The following SCFD1 variants were observed in gnomAD, a reference collection of about 807,000 sequenced individuals.
The protein encoded by SCFD1 is sec1 family domain containing 1.
SCFD1 carries 37 observed loss-of-function variants against 103.2 expected under a neutral mutation model. That is an observed-to-expected ratio of 0.36 (90% CI 0.28 to 0.47). SCFD1 has a LOEUF of 0.47. Ranked by LOEUF, SCFD1 falls within the 20% of genes least tolerant of loss-of-function variation. The probability of loss-of-function intolerance (pLI) is 1.00; values close to 1 mark genes in which losing one functional copy is unlikely to be tolerated. For synonymous variants in SCFD1, 264 were observed against 245.0 expected (o/e 1.08, Z -0.73); for missense variants, 639 against 761.2 (o/e 0.84, Z 1.89).
At position 30,651,061 on chromosome 14, in the gene SCFD1, G is replaced by T. The variant is rs1886352059; in HGVS notation, c.755+411G>T. Among the ~76,000 whole-genome samples the T allele has an allele frequency of 1.3e-5, 2 of 151,906 alleles. 1 individual carries two copies. Among genetic ancestry groups the T allele is most frequent in the South Asian group, 4.2e-4 (2 of 4,808 alleles). On this transcript the variant is annotated intron_variant, in intron 9 of 24. Coordinates refer to ENST00000458591, the MANE Select transcript of SCFD1 (RefSeq NM_016106.4). ...TAAACTTGAAAAACATTTTATTATT[G>T]TTAGCATTTCTAGCATAAGTAAGGC...
At chr14:30,724,234 C>A (rs1439349572) in intron 23 of SCFD1, among the ~76,000 whole-genome samples, 2 of 116,222 alleles carry the variant, frequency 1.7e-5, no homozygotes, top group Non-Finnish European at 3.6e-5. Context: ...CCTTTGCCCA[C>A]TTTTTTATGG....
chr14:30,632,335 T>C (rs1221489567), intron 3 of SCFD1, among the ~76,000 whole-genome samples: 2 of 152,290 alleles, frequency 1.3e-5, no homozygotes, highest in East Asian at 3.9e-4. Flanking sequence ...TAGACTGTTA[T>C]AGTTTGTCAA....
intron 14 of SCFD1, among the ~76,000 whole-genome samples, chr14:30,691,055 A>G (rs1363912181): frequency 2.0e-5 from 3 of 152,238 alleles, no homozygotes; most frequent in African/African-American, 7.2e-5. Flanking sequence ...ATTTGAGAAA[A>G]GGCCTATAGA....
At chr14:30,664,017 G>A (rs1377305280) in intron 10 of SCFD1, among the ~76,000 whole-genome samples, 2 of 152,210 alleles carry the variant, frequency 1.3e-5, no homozygotes, top group Non-Finnish European at 2.9e-5. Flanking sequence ...GCTCTGAAGA[G>A]AGCAGTGGTT....
At chr14:30,694,958 T>C in intron 15 of SCFD1, 89 bp downstream of exon 15, 1 of 1,514,512 alleles carries the variant, frequency 6.6e-7, no homozygotes, top group Non-Finnish European at 8.8e-7. Context: ...AGAATTGTTG[T>C]TTTTCTGACA....
intron 15 of SCFD1, among the ~76,000 whole-genome samples, chr14:30,698,917 G>A (rs556713872): frequency 2.6e-5 from 4 of 152,242 alleles, no homozygotes; most frequent in Admixed American, 2.6e-4. Context: ...GCTAGAAGAC[G>A]ACCTCCCAGT....
At chr14:30,679,804 A>AC (rs2139246996) in intron 14 of SCFD1, among the ~76,000 whole-genome samples, 1 of 151,612 alleles carries the variant, frequency 6.6e-6, no homozygotes, top group African/African-American at 2.4e-5. Context: ...TTTTGTGCTG[A>AC]TTTGTTTAAA....
At chr14:30,731,170 G>A (rs1182361221) in intron 23 of SCFD1, among the ~76,000 whole-genome samples, 1 of 152,096 alleles carries the variant, frequency 6.6e-6, no homozygotes, top group Non-Finnish European at 1.5e-5. Flanking sequence ...TAGATGTGTG[G>A]TATTATATCT....
At chr14:30,680,214 T>C (rs1038050781) in intron 14 of SCFD1, among the ~76,000 whole-genome samples, 2 of 152,184 alleles carry the variant, frequency 1.3e-5, no homozygotes, top group African/African-American at 4.8e-5. Flanking sequence ...AATAGGTTCA[T>C]AAAGATTAAA....
rs570455788 is a variant in SCFD1 at position 30,636,485 on chromosome 14, A to G, written c.313-1640A>G. 6.6e-5 allele frequency among the ~76,000 whole-genome samples: 10 copies of G among 152,200 alleles called. No individual in the cohort carries two copies. In the East Asian group the frequency reaches 1.7e-3, roughly 26 times the overall value. On this transcript the variant is annotated intron_variant, in intron 4 of 24. Coordinates refer to ENST00000458591, the MANE Select transcript of SCFD1 (RefSeq NM_016106.4). ...CCCAGCGTAATTTATTAAAGAGACTATTCTTTCCCTAGTGAATGGTCTTGG... is the reference window on the plus strand; with the variant it reads ...CCCAGCGTAATTTATTAAAGAGACTGTTCTTTCCCTAGTGAATGGTCTTGG...
At chr14:30,643,479 A>G (rs1048265481) in intron 7 of SCFD1, 74 bp downstream of exon 7, 5 of 1,032,548 alleles carry the variant, frequency 4.8e-6, no homozygotes, top group Non-Finnish European at 7.6e-6. Flanking sequence ...ATTACACTGT[A>G]ATGTGATTCG....
rs563074151 is a variant in SCFD1 at position 30,635,806 on chromosome 14, CTA to C, written c.312+1771_312+1772del. 1.7e-3 allele frequency among the ~76,000 whole-genome samples: 265 copies of C among 152,196 alleles called. 2 individuals are homozygous for C. Among genetic ancestry groups the C allele is most frequent in the African/African-American group, 6.3e-3 (261 of 41,542 alleles). ...AAAATTGCATGGTCAAATGATAACTCTATGTTTACCTTTTTAGTAATAGACTG... is the reference window on the plus strand; with the variant it reads ...AAAATTGCATGGTCAAATGATAACTCTGTTTACCTTTTTAGTAATAGACTG... On this transcript the variant is annotated intron_variant, in intron 4 of 24. Transcript: ENST00000458591.
chr14:30,625,034 AC>A (rs926180220), intron 1 of SCFD1, among the ~76,000 whole-genome samples: 4 of 151,346 alleles, frequency 2.6e-5, no homozygotes, highest in African/African-American at 9.7e-5. Context: ...TCCCAATCTT[AC>A]CTTTCTTCAA....
In SCFD1 at chr14:30,694,808, A is replaced by G; in HGVS notation, c.1278A>G (p.Glu426=). 3 of 1,585,042 alleles carry G rather than the reference A, an allele frequency of 1.9e-6. No homozygotes were observed. Among genetic ancestry groups the G allele is most frequent in the East Asian group, 2.3e-5 (1 of 43,540 alleles). Residue 426 remains glutamate (E), a synonymous_variant, in exon 15 of 25, where the codon GAA becomes GAG. Coordinates refer to ENST00000458591, the MANE Select transcript of SCFD1 (RefSeq NM_016106.4). ...TGGATGTATATTTTGAATATGAAGA[A>G]AAAATAATGAGCAAAACTACTCTGG... ...RKLDVYFEYE[E]KIMSKTTLDK... is the part of the protein sequence containing the mutation.
intron 23 of SCFD1, among the ~76,000 whole-genome samples, chr14:30,728,857 C>CT (rs1417910702): frequency 7.5e-6 from 1 of 133,412 alleles, no homozygotes; most frequent in African/African-American, 2.9e-5. Context: ...TTTTTTTTTT[C>CT]CCCCCGAGAC....
In SCFD1 at chr14:30,735,691, C is replaced by T. The variant is rs894906145; in HGVS notation, c.*82C>T. The stretch of plus-strand genomic sequence containing the variant: ...GAAAAGTTAGAAGAGCAATATGTTT[C>T]CTTCTCTGTAACAGTGTCCTAACAG... On this transcript the variant is annotated 3_prime_UTR_variant, in exon 25 of 25. Transcript: ENST00000458591. 2.9e-6 allele frequency: 3 copies of T among 1,021,178 alleles called. No individual in the cohort carries two copies. Among genetic ancestry groups the T allele is most frequent in the Non-Finnish European group, 4.5e-6 (3 of 670,860 alleles). The allele number at this position is 1,021,178 out of a possible 1,614,324, so 63.3% of individuals were successfully genotyped here. A position where few individuals can be genotyped will look rare whatever the true frequency, so the allele number is the denominator to read the frequency against.
At chr14:30,637,636 T>C (rs1165701193) in intron 4 of SCFD1, among the ~76,000 whole-genome samples, 3 of 152,134 alleles carry the variant, frequency 2.0e-5, no homozygotes, top group Non-Finnish European at 4.4e-5. Flanking sequence ...GATAAGTAAA[T>C]TTGACTTAAG....
chr14:30,649,438 C>T (rs1431592289), intron 7 of SCFD1, 90 bp from the exon 8 acceptor site: 3 of 766,686 alleles, frequency 3.9e-6, no homozygotes, highest in Admixed American at 2.8e-5. Context: ...ATGTATCTAT[C>T]ACATCTGTTA....
At chr14:30,672,195 G>A (rs186094999) in intron 11 of SCFD1, among the ~76,000 whole-genome samples, 1 of 152,058 alleles carries the variant, frequency 6.6e-6, no homozygotes, top group African/African-American at 2.4e-5. Flanking sequence ...CCCTGAGAGG[G>A]TAAGAGCTTG....
Sources: allele counts gnomAD v4.1 joint callset (sites outside exome capture counted in the v4.1 genomes callset), GRCh38; gene constraint gnomAD v4.1.1; transcripts MANE v1.5; gene names NCBI Gene and HGNC (gene_info 2026-07-23, HGNC 2026-07-21).